The following PRKCB variants were observed in gnomAD, a reference collection of about 807,000 sequenced individuals.
The protein encoded by PRKCB is protein kinase C beta.
Under a neutral mutation model 81.5 loss-of-function variants are expected in PRKCB, and 13 were observed. That is an observed-to-expected ratio of 0.16 (90% confidence interval 0.10 to 0.25). PRKCB has a LOEUF of 0.25. Ranked by LOEUF, PRKCB falls within the 10% of genes least tolerant of loss-of-function variation. The probability of loss-of-function intolerance (pLI) is 1.00; values close to 1 mark genes in which losing one functional copy is unlikely to be tolerated. For missense variants in PRKCB, 509 were observed against 875.7 expected (o/e 0.58, Z 5.29); for synonymous variants, 335 against 321.4 (o/e 1.04, Z -0.45).
intron 2 of PRKCB, among the ~76,000 whole-genome samples, chr16:23,863,219 CATATATATGTGTATATATATACATATAT>C: frequency 1.3e-5 from 1 of 79,360 alleles, no homozygotes; most frequent in Non-Finnish European, 3.0e-5. Flanking sequence ...TATATACATA[CATATATATGTGTATATATATACATATAT>C]ATACACATAC....
intron 3 of PRKCB, among the ~76,000 whole-genome samples, chr16:23,999,113 C>T (rs569819507): frequency 6.3e-4 from 96 of 152,336 alleles, no homozygotes; most frequent in African/African-American, 2.2e-3. Context: ...TGGTTGGAGG[C>T]ATGATTAAAG....
At chr16:23,905,484 C>T (rs771928434) in intron 2 of PRKCB, among the ~76,000 whole-genome samples, 15 of 152,208 alleles carry the variant, frequency 9.9e-5, no homozygotes, top group Non-Finnish European at 1.6e-4. Flanking sequence ...AAACAAGGAA[C>T]ACCTTTTTAG....
At chr16:24,174,805 T>C in intron 12 of PRKCB, 1 of 478,842 alleles carries the variant, frequency 2.1e-6, no homozygotes, top group Admixed American at 3.6e-5. Flanking sequence ...TCACCAATGA[T>C]GGTTCAGAGC....
intron 5 of PRKCB, among the ~76,000 whole-genome samples, chr16:24,061,919 A>AAC (rs968637770): frequency 6.8e-6 from 1 of 146,694 alleles, no homozygotes; most frequent in Non-Finnish European, 1.5e-5. Flanking sequence ...ATAAAAAAAA[A>AAC]AAAAAAAAAA....
chr16:24,220,118 A>C lies in PRKCB; in HGVS notation c.*5302A>C, dbSNP rs1034955877. The C allele has an allele frequency of 1.2e-6, 2 of 1,614,036 alleles. No homozygotes were observed. The highest frequency in any genetic ancestry group is 2.2e-5 in the East Asian group (1 of 44,878). On this transcript the variant is annotated 3_prime_UTR_variant, in exon 17 of 17. Coordinates refer to ENST00000643927, the MANE Select transcript of PRKCB (RefSeq NM_002738.7). ...GAGTTTGTCATTAATGTGTAGGTGA[A>C]TGCAAACTCCATCGTTGAGCCTGGG...
chr16:23,917,388 T>C (rs1963757398), intron 2 of PRKCB, among the ~76,000 whole-genome samples: 1 of 152,306 alleles, frequency 6.6e-6, no homozygotes, highest in South Asian at 2.1e-4. Flanking sequence ...CCTCATTCTG[T>C]TTTATGATTG....
chr16:23,971,390 T>A (rs779242531), intron 2 of PRKCB, among the ~76,000 whole-genome samples: 7 of 152,178 alleles, frequency 4.6e-5, no homozygotes, highest in Non-Finnish European at 8.8e-5. Flanking sequence ...GGACGGATGG[T>A]GTGATGGTTC....
At chr16:24,166,488 T>C (rs1309318834) in intron 10 of PRKCB, among the ~76,000 whole-genome samples, 1 of 152,118 alleles carries the variant, frequency 6.6e-6, no homozygotes, top group African/African-American at 2.4e-5. Context: ...CCAGCAATAA[T>C]AGCCATCAAA....
intron 5 of PRKCB, among the ~76,000 whole-genome samples, chr16:24,051,974 G>A (rs1421406104): frequency 6.6e-6 from 1 of 151,984 alleles, no homozygotes; most frequent in Non-Finnish European, 1.5e-5. Flanking sequence ...GCTGGGCATG[G>A]TGGCGGGCAC....
At chr16:24,038,681 T>A (rs1269478418) in intron 5 of PRKCB, among the ~76,000 whole-genome samples, 1 of 152,144 alleles carries the variant, frequency 6.6e-6, no homozygotes, top group Non-Finnish European at 1.5e-5. Context: ...AGAGCCAAGA[T>A]GGGGATTTTG....
In PRKCB at chr16:23,950,132, A is replaced by AGTTTTTTTTTTTTTTTTTTTTTTTT. The variant is rs55986931; in HGVS notation, c.206-38376_206-38375insGTTTTTTTTTTTTTTTTTTTTTTTT. 1.2e-4 allele frequency among the ~76,000 whole-genome samples: 12 copies of AGTTTTTTTTTTTTTTTTTTTTTTTT among 97,760 alleles called. 4 individuals are homozygous for AGTTTTTTTTTTTTTTTTTTTTTTTT. The highest frequency in any genetic ancestry group is 2.3e-4 in the Admixed American group (2 of 8,526). 64.1% of individuals were successfully genotyped at this position (97,760 alleles called of 152,430 possible). A position where few individuals can be genotyped will look rare whatever the true frequency, so the allele number is the denominator to read the frequency against. ...AGCAGCATTGGCCCCTATGATTTGAATTTTTTTTTTTTTTTTTTTTTTTTT... is the reference window on the plus strand; with the variant it reads ...AGCAGCATTGGCCCCTATGATTTGAAGTTTTTTTTTTTTTTTTTTTTTTTTTTTTTTTTTTTTTTTTTTTTTTTTT... On this transcript the variant is annotated intron_variant, in intron 2 of 16. Coordinates refer to ENST00000643927, the MANE Select transcript of PRKCB (RefSeq NM_002738.7).
intron 2 of PRKCB, among the ~76,000 whole-genome samples, chr16:23,879,489 T>C (rs1245459035): frequency 0.017 from 30 of 1,760 alleles, no homozygotes; most frequent in African/African-American, 0.049. Flanking sequence ...ATCCTTTTTT[T>C]TTTTTTTTTT....
intron 5 of PRKCB, among the ~76,000 whole-genome samples, chr16:24,091,555 TC>T (rs552022194): frequency 1.5e-3 from 236 of 152,300 alleles, no homozygotes; most frequent in South Asian, 5.4e-3. Context: ...GTCTCCCTCA[TC>T]CTTTCTATAG....
chr16:23,851,485 G>A (rs1962471995), intron 2 of PRKCB, among the ~76,000 whole-genome samples: 1 of 152,138 alleles, frequency 6.6e-6, no homozygotes, highest in Non-Finnish European at 1.5e-5. Context: ...GATTACAATT[G>A]CTTTATAATG....
At chr16:24,133,810 C>T (rs571808927) in intron 9 of PRKCB, among the ~76,000 whole-genome samples, 1 of 152,240 alleles carries the variant, frequency 6.6e-6, no homozygotes, top group South Asian at 2.1e-4. Context: ...GAGGCGGGAC[C>T]TTGAAAGCTG....
intron 2 of PRKCB, among the ~76,000 whole-genome samples, chr16:23,980,930 G>A (rs1964691730): frequency 6.6e-6 from 1 of 152,006 alleles, no homozygotes; most frequent in African/African-American, 2.4e-5. Context: ...AGATCTCAGT[G>A]CTTTTCCTGG....
chr16:23,884,151 A>G (rs2141111408), intron 2 of PRKCB, among the ~76,000 whole-genome samples: 1 of 152,334 alleles, frequency 6.6e-6, no homozygotes, highest in East Asian at 1.9e-4. Context: ...GCACAGTTAT[A>G]GATGAGGAAA....
At chr16:24,106,059 C>A (rs1437789044) in intron 7 of PRKCB, among the ~76,000 whole-genome samples, 1 of 149,896 alleles carries the variant, frequency 6.7e-6, no homozygotes, top group East Asian at 1.9e-4. Context: ...TTTAAAAAAA[C>A]TTTCTGTTAT....
intron 2 of PRKCB, among the ~76,000 whole-genome samples, chr16:23,951,635 C>T (rs1195225472): frequency 7.4e-6 from 1 of 134,242 alleles, no homozygotes; most frequent in Non-Finnish European, 1.5e-5. Flanking sequence ...CCAGGCTGGT[C>T]TTAAACTCCT....
Sources: gnomAD v4.1 joint callset for allele counts (sites outside exome capture counted in the v4.1 genomes callset) on GRCh38, gnomAD v4.1.1 for gene constraint, MANE v1.5 for transcripts, NCBI Gene and HGNC (gene_info 2026-07-23, HGNC 2026-07-21) for gene names.